AP2A2: variants seen among roughly 807,000 people sequenced by gnomAD.
The protein encoded by AP2A2 is adaptor related protein complex 2 subunit alpha 2, also known as AP-2 complex subunit alpha-2.
In AP2A2, 32 loss-of-function variants were observed where a neutral mutation model predicts 104.2. The observed-to-expected ratio is 0.31, with a 90% confidence interval of 0.23 to 0.41. The LOEUF is 0.41. AP2A2 is among the 10% of genes least tolerant of loss of function. AP2A2 has a pLI of 1.00. For missense variants in AP2A2, 912 were observed against 1,261.0 expected (o/e 0.72, Z 4.19); for synonymous variants, 539 against 533.3 (o/e 1.01, Z -0.15).
At chr11:935,621 T>TTTTTTTTTTTC (rs1853432107) in intron 1 of AP2A2, among the ~76,000 whole-genome samples, 2 of 141,544 alleles carry the variant, frequency 1.4e-5, no homozygotes, top group African/African-American at 5.5e-5. Context: ...TTTTTTTTTT[T>TTTTTTTTTTTC]TTTTGAGATA....
intron 1 of AP2A2, among the ~76,000 whole-genome samples, chr11:930,935 G>A (rs187016473): frequency 5.3e-5 from 8 of 151,952 alleles, no homozygotes; most frequent in Admixed American, 2.0e-4. Flanking sequence ...CGACATGCAC[G>A]TGTGTGTGTG....
At chr11:935,603 G>T (rs1853428065) in intron 1 of AP2A2, among the ~76,000 whole-genome samples, 45 of 77,930 alleles carry the variant, frequency 5.8e-4, no homozygotes, top group East Asian at 4.8e-3. Flanking sequence ...TGCCCGGCCA[G>T]TTTTTTTTTT....
chr11:926,121 G>A lies in AP2A2; in HGVS notation c.67+33G>A, dbSNP rs775177803. 5 of 1,243,498 alleles carry A rather than the reference G, an allele frequency of 4.0e-6. No individual in the cohort carries two copies. In the East Asian group the frequency reaches 1.0e-4, roughly 25 times the overall value. 77.0% of individuals were successfully genotyped at this position (1,243,498 alleles called of 1,614,324 possible). ...GCGGGGGCGGCGTGGGGCCGGGGCC[G>A]GGGCCGCCGGCGGAGACGGGGTCTG... On this transcript the variant is annotated intron_variant, in intron 1 of 21. Coordinates refer to ENST00000448903, the MANE Select transcript of AP2A2 (RefSeq NM_012305.4).
rs1854769470 is a variant in AP2A2 at position 970,209 on chromosome 11, C to G, written c.177C>G (p.Val59=). ...ATGGCTATAGTAAAAAAAAGTACGT[C>G]TGCAAGTTGCTCTTCATCTTTCTCC... ...ALDGYSKKKY[V]CKLLFIFLLG... Residue 59 remains valine (V), a synonymous_variant, in exon 3 of 22, where the codon GTC becomes GTG. Coordinates refer to ENST00000448903, the MANE Select transcript of AP2A2 (RefSeq NM_012305.4). 2 of 1,614,012 alleles carry G rather than the reference C, an allele frequency of 1.2e-6. No individual in the cohort carries two copies. Among genetic ancestry groups the G allele is most frequent in the Non-Finnish European group, 1.7e-6 (2 of 1,179,886 alleles).
intron 1 of AP2A2, among the ~76,000 whole-genome samples, chr11:941,827 T>G (rs1853656668): frequency 1.3e-5 from 2 of 152,110 alleles, no homozygotes; most frequent in Non-Finnish European, 2.9e-5. Context: ...TCTCAAGTGA[T>G]CTGGTGGCCT....
chr11:940,624 T>A (rs898062888), intron 1 of AP2A2: 14 of 352,502 alleles, frequency 4.0e-5, no homozygotes, highest in Non-Finnish European at 6.7e-5. Context: ...ATCTCGTCTG[T>A]GTAAAGGTGT....
intron 1 of AP2A2, chr11:956,742 T>C (rs1299722214): frequency 6.6e-6 from 1 of 152,218 alleles, no homozygotes; most frequent in Non-Finnish European, 1.5e-5. Flanking sequence ...AAAGTTTGAT[T>C]GTCACACATC....
chr11:1,006,865 C>G, intron 17 of AP2A2: 2 of 501,792 alleles, frequency 4.0e-6, no homozygotes, highest in South Asian at 5.2e-5. Flanking sequence ...GCCTCCTCCC[C>G]TTCCATCTGG....
In AP2A2 at chr11:992,691, GC is replaced by G; in HGVS notation, c.1452+9del. Reference sequence around the variant, plus strand: ...CGGCCAAGACTGTGTTCGAGGTATGGCCCGCAGGATGGCAGGAAGGATGGGG... The same window carrying G: ...CGGCCAAGACTGTGTTCGAGGTATGGCCGCAGGATGGCAGGAAGGATGGGG... On this transcript the variant is annotated splice_region_variant and intron_variant, in intron 11 of 21. Coordinates refer to ENST00000448903, the MANE Select transcript of AP2A2 (RefSeq NM_012305.4). This position sits in a 1 kb window ranked among gnomAD's most constrained non-coding sequence, Gnocchi z 6.4. The G allele has an allele frequency of 6.2e-7, 1 of 1,613,366 alleles. No homozygotes were observed. The highest frequency in any genetic ancestry group is 8.5e-7 in the Non-Finnish European group (1 of 1,179,684).
At chr11:988,258 G>A (rs1414480771) in intron 9 of AP2A2, among the ~76,000 whole-genome samples, 1 of 152,248 alleles carries the variant, frequency 6.6e-6, no homozygotes, top group Non-Finnish European at 1.5e-5. Flanking sequence ...CAGTCCTAGC[G>A]AAGCTGGCCC....
chr11:978,621 C>G (rs1011472301), intron 5 of AP2A2, among the ~76,000 whole-genome samples: 48 of 152,220 alleles, frequency 3.2e-4, no homozygotes, highest in African/African-American at 1.1e-3. Context: ...CTCCTTAGCT[C>G]TCCCAGCTTG....
intron 14 of AP2A2, among the ~76,000 whole-genome samples, chr11:999,594 G>T (rs1381840473): frequency 1.3e-5 from 2 of 152,156 alleles, no homozygotes; most frequent in East Asian, 3.9e-4. Context: ...CTTCCAAAGT[G>T]CTGGGATTAC....
At chr11:981,982 G>A (rs543005614) in intron 6 of AP2A2, among the ~76,000 whole-genome samples, 5 of 152,406 alleles carry the variant, frequency 3.3e-5, no homozygotes, top group African/African-American at 7.2e-5. Context: ...AGGCGCGGGC[G>A]CGGCACGCGT....
Position 981,191 on chromosome 11 carries a change from C to G in AP2A2, c.604-7C>G. On this transcript the variant is annotated splice_polypyrimidine_tract_variant and splice_region_variant and intron_variant, in intron 5 of 21. Coordinates refer to ENST00000448903, the MANE Select transcript of AP2A2 (RefSeq NM_012305.4). The stretch of plus-strand genomic sequence containing the variant: ...GTTCTGACTCTTGTGTGTGTGTTTT[C>G]TTTCAGGGTGTGGTAACTGCAGCCA... 1 of 1,607,176 alleles carries G rather than the reference C, an allele frequency of 6.2e-7. No individual in the cohort carries two copies. The highest frequency in any genetic ancestry group is 8.5e-7 in the Non-Finnish European group (1 of 1,176,744).
chr11:986,400 C>T (rs989220781), intron 8 of AP2A2, among the ~76,000 whole-genome samples: 2 of 152,244 alleles, frequency 1.3e-5, no homozygotes, highest in African/African-American at 2.4e-5. Flanking sequence ...GGGCAGCAGC[C>T]GCGCTCCCGG....
At chr11:986,304 T>C (rs551100746) in intron 8 of AP2A2, among the ~76,000 whole-genome samples, 1 of 152,240 alleles carries the variant, frequency 6.6e-6, no homozygotes, top group African/African-American at 2.4e-5. Flanking sequence ...AACTGAGAGT[T>C]ATTAAAACTG....
At chr11:949,360 T>C (rs1168314485) in intron 1 of AP2A2, among the ~76,000 whole-genome samples, 1 of 152,180 alleles carries the variant, frequency 6.6e-6, no homozygotes, top group African/African-American at 2.4e-5. Flanking sequence ...GCCAGTATTA[T>C]GCTGATACCA....
rs1854707923 is a variant in AP2A2 at position 968,657 on chromosome 11, G to T, written c.137-1512G>T. 6.6e-6 allele frequency among the ~76,000 whole-genome samples: 1 copy of T among 152,152 alleles called. No individual in the cohort carries two copies. Among genetic ancestry groups the T allele is most frequent in the African/African-American group, 2.4e-5 (1 of 41,446 alleles). ...TGGGCTGGGTAGGAGACACGGTGCT[G>T]GGGCTTCCCAGTGGAGGATCTCTGC... On this transcript the variant is annotated intron_variant, in intron 2 of 21. Transcript: ENST00000448903. This position sits in a 1 kb window ranked among gnomAD's most constrained non-coding sequence, Gnocchi z 4.2.
Position 926,001 on chromosome 11 carries a change from G to A in AP2A2, c.-21G>A. 1 of 1,400,368 alleles carries A rather than the reference G, an allele frequency of 7.1e-7. No homozygotes were observed. Among genetic ancestry groups the A allele is most frequent in the South Asian group, 1.5e-5 (1 of 67,334 alleles). The allele number at this position is 1,400,368 out of a possible 1,614,324, so 86.7% of individuals were successfully genotyped here. A position where few individuals can be genotyped will look rare whatever the true frequency, so the allele number is the denominator to read the frequency against. On this transcript the variant is annotated 5_prime_UTR_variant, in exon 1 of 22. Transcript: ENST00000448903. ...CCTCCGCCCGGGTCCGCCAGCCGAG[G>A]CCGCTCCCGAGCGTCGGAAGATGCC...
Sources: gnomAD v4.1 joint callset for allele counts (sites outside exome capture counted in the v4.1 genomes callset) on GRCh38, gnomAD v4.1.1 for gene constraint, Gnocchi (gnomAD v3.1) non-coding constraint, MANE v1.5 for transcripts, NCBI Gene and HGNC (gene_info 2026-07-23, HGNC 2026-07-21) for gene names.